The following LUZP2 variants were observed in gnomAD, a reference collection of about 807,000 sequenced individuals.
LUZP2 encodes leucine zipper protein 2.
Under a neutral mutation model 51.6 loss-of-function variants are expected in LUZP2, and 52 were observed. That is an observed-to-expected ratio of 1.01 (90% CI 0.81 to 1.27). The LOEUF (loss-of-function observed/expected upper bound fraction) is 1.27. Among genes scored for constraint, LUZP2 ranks in the 50% most tolerant of loss-of-function variants. The probability of loss-of-function intolerance (pLI) is 0.00; values close to 1 mark genes in which losing one functional copy is unlikely to be tolerated. For synonymous variants in LUZP2, 154 were observed against 137.3 expected (o/e 1.12, Z -0.85); for missense variants, 436 against 395.4 (o/e 1.10, Z -0.87).
chr11:24,729,266 G>A lies in LUZP2; in HGVS notation c.160G>A (p.Gly54Arg), dbSNP rs1174757067. Reference sequence around the variant, plus strand: ...GACAAAGACATCAAGAGAACTTGATGGAATTAAAGTCAATCTTCAGGTGAG... The same window carrying A: ...GACAAAGACATCAAGAGAACTTGATAGAATTAAAGTCAATCTTCAGGTGAG... Reference protein sequence around the residue: ...QLTKTSRELDGIKVNLQSLKN... With the variant: ...QLTKTSRELDRIKVNLQSLKN... Residue 54 changes from glycine (G) to arginine (R), a missense_variant, in exon 2 of 12, where the codon GGA becomes AGA. By Grantham distance (125) the Gly-to-Arg change is moderately radical. Transcript: ENST00000336930. The A allele has an allele frequency of 1.9e-6, 3 of 1,545,250 alleles. No individual in the cohort carries two copies. The highest frequency in any genetic ancestry group is 1.8e-5 in the Admixed American group (1 of 56,126).
At chr11:24,654,076 C>T (rs904214306) in intron 1 of LUZP2, among the ~76,000 whole-genome samples, 2 of 152,210 alleles carry the variant, frequency 1.3e-5, no homozygotes, top group Admixed American at 6.5e-5. Context: ...TTAGTAATTA[C>T]GTGTCGTTGA....
intron 5 of LUZP2, among the ~76,000 whole-genome samples, chr11:24,895,512 C>A (rs182429083): frequency 5.3e-4 from 81 of 152,188 alleles, no homozygotes; most frequent in African/African-American, 1.9e-3. Context: ...TGCCTGCCTC[C>A]CTCACTCCCC....
intron 9 of LUZP2, among the ~76,000 whole-genome samples, chr11:25,000,203 G>T (rs1457794216): frequency 6.6e-6 from 1 of 152,042 alleles, no homozygotes; most frequent in African/African-American, 2.4e-5. Flanking sequence ...AGTGCTGATT[G>T]GTGCATTTAC....
chr11:24,814,527 A>C lies in LUZP2; in HGVS notation c.396+51219A>C, dbSNP rs190675476. Reference sequence around the variant, plus strand: ...GTGAAATGAATTTTCTATGGAGAACAGCTCTTTTTCTTTAAGTTTTACTTC... The same window carrying C: ...GTGAAATGAATTTTCTATGGAGAACCGCTCTTTTTCTTTAAGTTTTACTTC... On this transcript the variant is annotated intron_variant, in intron 5 of 11. Coordinates refer to ENST00000336930, the MANE Select transcript of LUZP2 (RefSeq NM_001009909.4). 4.6e-5 allele frequency among the ~76,000 whole-genome samples: 7 copies of C among 152,326 alleles called. No homozygotes were observed. In the East Asian group the frequency reaches 1.4e-3, roughly 29 times the overall value.
At chr11:24,515,844 A>G (rs1850447243) in intron 1 of LUZP2, among the ~76,000 whole-genome samples, 2 of 151,912 alleles carry the variant, frequency 1.3e-5, no homozygotes, top group African/African-American at 4.8e-5. Flanking sequence ...TGTGCTCCAG[A>G]GCTCCCCTAG....
chr11:24,995,362 C>A (rs1856461463), intron 9 of LUZP2, among the ~76,000 whole-genome samples: 1 of 152,100 alleles, frequency 6.6e-6, no homozygotes, highest in African/African-American at 2.4e-5. Flanking sequence ...CACTACACTC[C>A]AGACTGGGTG....
intron 5 of LUZP2, among the ~76,000 whole-genome samples, chr11:24,875,745 C>T (rs1382880723): frequency 4.6e-5 from 7 of 152,226 alleles, no homozygotes; most frequent in African/African-American, 1.7e-4. Context: ...CCTATTTCTC[C>T]AAATCCTCTC....
chr11:24,708,842 C>T (rs1388048712), intron 1 of LUZP2, among the ~76,000 whole-genome samples: 1 of 152,174 alleles, frequency 6.6e-6, no homozygotes, highest in Non-Finnish European at 1.5e-5. Context: ...AAAAGCCTGA[C>T]AGAGAATTAA....
chr11:25,073,877 G>A (rs1298846148), intron 10 of LUZP2, among the ~76,000 whole-genome samples: 1 of 152,086 alleles, frequency 6.6e-6, no homozygotes, highest in East Asian at 1.9e-4. Context: ...GTTAATCCAT[G>A]CTGAATACCT....
chr11:24,659,097 T>A (rs1248124756), intron 1 of LUZP2, among the ~76,000 whole-genome samples: 1 of 152,236 alleles, frequency 6.6e-6, no homozygotes, highest in Non-Finnish European at 1.5e-5. Flanking sequence ...TTATAAATCA[T>A]GCTGCTATAA....
At chr11:24,705,159 A>G (rs569352017) in intron 1 of LUZP2, among the ~76,000 whole-genome samples, 1 of 152,158 alleles carries the variant, frequency 6.6e-6, no homozygotes, top group Non-Finnish European at 1.5e-5. Context: ...CAAAGATAGT[A>G]AAGTTTTTTA....
chr11:24,559,738 C>A (rs1054858074), intron 1 of LUZP2, among the ~76,000 whole-genome samples: 2 of 152,114 alleles, frequency 1.3e-5, no homozygotes, highest in African/African-American at 4.8e-5. Flanking sequence ...AATAAAAAAT[C>A]AGAGTTACAG....
At chr11:24,630,876 T>A (rs1854864810) in intron 1 of LUZP2, among the ~76,000 whole-genome samples, 1 of 151,898 alleles carries the variant, frequency 6.6e-6, no homozygotes, top group Non-Finnish European at 1.5e-5. Flanking sequence ...CTTTTTTTCA[T>A]TAGTGCTTTA....
At chr11:24,720,942 C>G (rs1399758494) in intron 1 of LUZP2, among the ~76,000 whole-genome samples, 1 of 152,204 alleles carries the variant, frequency 6.6e-6, no homozygotes, top group Non-Finnish European at 1.5e-5. Context: ...CCGCCTCGGC[C>G]TCCCAAAGTG....
At position 24,919,448 on chromosome 11, in the gene LUZP2, G is replaced by A. The variant is rs60318192; in HGVS notation, c.522+4910G>A. Among the ~76,000 whole-genome samples, 780 of 95,932 alleles carry A rather than the reference G, an allele frequency of 8.1e-3. 82 individuals carry two copies. Among genetic ancestry groups the A allele is most frequent in the African/African-American group, 0.037 (709 of 19,194 alleles). The allele number at this position is 95,932 out of a possible 152,430, so 62.9% of individuals were successfully genotyped here. ...ATAATATATGTTATATATTATATAT[G>A]ACATATATTGATAATATATGTTATA... is the stretch of plus-strand genomic sequence containing the variant. On this transcript the variant is annotated intron_variant, in intron 7 of 11. Coordinates refer to ENST00000336930, the MANE Select transcript of LUZP2 (RefSeq NM_001009909.4).
At chr11:24,655,676 G>A (rs1026718016) in intron 1 of LUZP2, among the ~76,000 whole-genome samples, 1 of 152,166 alleles carries the variant, frequency 6.6e-6, no homozygotes, top group Admixed American at 6.5e-5. Flanking sequence ...AAACAAATGC[G>A]TGGTCTGAAA....
chr11:24,535,068 T>C (rs770844614), intron 1 of LUZP2, among the ~76,000 whole-genome samples: 3 of 151,280 alleles, frequency 2.0e-5, no homozygotes, highest in Non-Finnish European at 4.4e-5. Context: ...TGCTCTACTA[T>C]AGTCTATTAA....
chr11:24,991,665 T>C (rs1205704240), intron 9 of LUZP2, among the ~76,000 whole-genome samples: 1 of 152,030 alleles, frequency 6.6e-6, no homozygotes, highest in Admixed American at 6.6e-5. Context: ...ATAGTGGTTG[T>C]ACTAGTTTAC....
intron 1 of LUZP2, among the ~76,000 whole-genome samples, chr11:24,531,321 G>A (rs12278810): frequency 0.19 from 28,379 of 150,324 alleles, 4,661 homozygotes; most frequent in African/African-American, 0.44. Flanking sequence ...GCCACATAAA[G>A]ATTCTACATA....
Sources: gnomAD v4.1 joint callset for allele counts (sites outside exome capture counted in the v4.1 genomes callset) on GRCh38, gnomAD v4.1.1 for gene constraint, MANE v1.5 for transcripts, NCBI Gene and HGNC (gene_info 2026-07-23, HGNC 2026-07-21) for gene names.